Variants in CFH observed in about 807,000 individuals in gnomAD.
CFH encodes the protein H factor 1 (complement).
CFH carries 53 observed loss-of-function variants against 147.3 expected under a neutral mutation model. That is an observed-to-expected ratio of 0.36 (90% CI 0.29 to 0.45). The LOEUF (loss-of-function observed/expected upper bound fraction) is 0.45. Among genes scored for constraint, CFH ranks in the 20% least tolerant of loss-of-function variants. The pLI is 1.00. For synonymous variants in CFH, 536 were observed against 489.4 expected (o/e 1.10, Z -1.26); for missense variants, 1,380 against 1,498.0 (o/e 0.92, Z 1.30).
chr1:196,700,674 GA>G (rs1258387181), intron 9 of CFH, among the ~76,000 whole-genome samples: 6 of 147,544 alleles, frequency 4.1e-5, no homozygotes, highest in Admixed American at 6.7e-5. Context: ...AAAAAGAAAA[GA>G]AAAAAAAATT....
intron 15 of CFH, among the ~76,000 whole-genome samples, chr1:196,731,384 T>C (rs1669277659): frequency 6.6e-6 from 1 of 151,940 alleles, no homozygotes; most frequent in Admixed American, 6.6e-5. Context: ...ACATATAAAA[T>C]ATCTAAATTT....
At chr1:196,677,425 A>G (rs1402563937) in intron 4 of CFH, 51 bp from the exon 5 acceptor site, 3 of 1,532,652 alleles carry the variant, frequency 2.0e-6, no homozygotes, top group Admixed American at 1.7e-5. Context: ...CATATTTTTC[A>G]CAATAAACTT....
At chr1:196,665,791 G>C (rs1477229074) in intron 1 of CFH, among the ~76,000 whole-genome samples, 2 of 152,140 alleles carry the variant, frequency 1.3e-5, no homozygotes, top group Admixed American at 1.3e-4. Flanking sequence ...ATTTTTAGTA[G>C]AGACGGGGTT....
rs574159883 is a variant in CFH at position 196,745,542 on chromosome 1, G to A, written c.3311-275G>A. On this transcript the variant is annotated intron_variant, in intron 20 of 21. Coordinates refer to ENST00000367429, the MANE Select transcript of CFH (RefSeq NM_000186.4). ...CCTTTGTCATAGTTTTCTATGTTTAGCATGTATTCATTCGGAAAGACATTT... is the reference window on the plus strand; with the variant it reads ...CCTTTGTCATAGTTTTCTATGTTTAACATGTATTCATTCGGAAAGACATTT... Among the ~76,000 whole-genome samples, 14 of 152,194 alleles carry A rather than the reference G, an allele frequency of 9.2e-5. No individual in the cohort carries two copies. In the South Asian group the frequency reaches 2.9e-3, roughly 32 times the overall value.
At chr1:196,700,574 A>G (rs1032789748) in intron 9 of CFH, among the ~76,000 whole-genome samples, 27 of 151,822 alleles carry the variant, frequency 1.8e-4, no homozygotes, top group African/African-American at 6.3e-4. Context: ...GAATCACTTG[A>G]ACCTGGGAGG....
chr1:196,690,028 T>C, intron 8 of CFH, 35 bp from the exon 9 acceptor site: 2 of 1,560,718 alleles, frequency 1.3e-6, no homozygotes, highest in Non-Finnish European at 1.8e-6. Flanking sequence ...TGTTTCTCAT[T>C]TACTTTATTT....
intron 10 of CFH, among the ~76,000 whole-genome samples, chr1:196,715,057 G>A (rs1668835283): frequency 6.6e-6 from 1 of 151,356 alleles, no homozygotes; most frequent in Non-Finnish European, 1.5e-5. Flanking sequence ...CTTAATATGA[G>A]GTCTAGTTTA....
chr1:196,692,772 T>G (rs1405872782), intron 9 of CFH, among the ~76,000 whole-genome samples: 1 of 81,488 alleles, frequency 1.2e-5, no homozygotes, highest in Non-Finnish European at 2.5e-5. Flanking sequence ...CTTTCTTTCT[T>G]TCTTTCTTTC....
At chr1:196,717,300 C>G (rs1421977967) in intron 11 of CFH, among the ~76,000 whole-genome samples, 1 of 152,026 alleles carries the variant, frequency 6.6e-6, no homozygotes, top group Non-Finnish European at 1.5e-5. Context: ...TATTTACAAA[C>G]AGTTCTAATA....
chr1:196,695,181 A>G (rs1422681389), intron 9 of CFH, among the ~76,000 whole-genome samples: 3 of 151,956 alleles, frequency 2.0e-5, no homozygotes, highest in East Asian at 1.9e-4. Context: ...GTTAATTTTT[A>G]TATTAGGTGT....
At position 196,685,217 on chromosome 1, in the gene CFH, T is replaced by C; in HGVS notation, c.944T>C (p.Ile315Thr). Reference sequence around the variant, plus strand: ...GCAAAATGCACAAGTACTGGCTGGATACCTGCTCCGAGATGTACCTGTAAG... The same window carrying C: ...GCAAAATGCACAAGTACTGGCTGGACACCTGCTCCGAGATGTACCTGTAAG... Reference protein sequence around the residue: ...NTAKCTSTGWIPAPRCTLKPC... With the variant: ...NTAKCTSTGWTPAPRCTLKPC... Residue 315 changes from isoleucine (I) to threonine (T), a missense_variant, in exon 7 of 22, where the codon ATA (isoleucine) becomes ACA (threonine). By Grantham distance (89) the Ile-to-Thr change is moderately conservative. Coordinates refer to ENST00000367429, the MANE Select transcript of CFH (RefSeq NM_000186.4). 2 of 1,612,952 alleles carry C rather than the reference T, an allele frequency of 1.2e-6. No homozygotes were observed. Among genetic ancestry groups the C allele is most frequent in the Non-Finnish European group, 1.7e-6 (2 of 1,179,254 alleles).
intron 1 of CFH, among the ~76,000 whole-genome samples, chr1:196,661,259 T>C (rs1260546230): frequency 6.6e-6 from 1 of 152,208 alleles, no homozygotes; most frequent in Non-Finnish European, 1.5e-5. Context: ...TCACATTATT[T>C]TGTAAAATAT....
In CFH at chr1:196,704,892, A is replaced by C. The variant is rs576491387; in HGVS notation, c.1337-8843A>C. 2.0e-5 allele frequency among the ~76,000 whole-genome samples: 3 copies of C among 152,312 alleles called. No individual in the cohort carries two copies. The South Asian group carries it at 6.2e-4, about 32-fold the overall frequency. On this transcript the variant is annotated intron_variant, in intron 9 of 21. Transcript: ENST00000367429. ...ATGCTTATACATTATTCATGACTTT[A>C]ACCAGTGAGTTGTACTGGTGTTCAG...
Position 196,673,931 on chromosome 1 carries a change from G to A in CFH, c.319G>A (p.Gly107Ser), listed in dbSNP as rs1667371142. The A allele has an allele frequency of 1.9e-6, 3 of 1,612,932 alleles. No homozygotes were observed. The highest frequency in any genetic ancestry group is 2.5e-6 in the Non-Finnish European group (3 of 1,179,268). ...TLTGGNVFEY[G>S]VKAVYTCNEG... ...TACAGGAGGAAATGTGTTTGAATAT[G>A]GTGTAAAAGCTGTGTATACATGTAA... The change falls in exon 3 of 22, where the codon GGT becomes AGT. Residue 107 changes from glycine to serine, a missense_variant. Physicochemically the swap from Gly to Ser is moderately conservative, Grantham distance 56. Transcript: ENST00000367429.
At chr1:196,679,927 G>T in intron 6 of CFH, 134 bp downstream of exon 6, 1 of 833,414 alleles carries the variant, frequency 1.2e-6, no homozygotes, top group Non-Finnish European at 1.9e-6. Context: ...AAAACATATA[G>T]CATTTTCTGT....
chr1:196,730,001 G>T lies in CFH; in HGVS notation c.2413+1479G>T, dbSNP rs182683826. Among the ~76,000 whole-genome samples, 920 of 151,538 alleles carry T rather than the reference G, an allele frequency of 6.1e-3. 12 individuals are homozygous for T. Among genetic ancestry groups the T allele is most frequent in the African/African-American group, 0.021 (860 of 41,388 alleles). On this transcript the variant is annotated intron_variant, in intron 15 of 21. Transcript: ENST00000367429. Reference sequence around the variant, plus strand: ...CTCTTTTTTAGTTATTCTGGTTAAAGCTTTGTCAATTTTTGATTATCTAAA... The same window carrying T: ...CTCTTTTTTAGTTATTCTGGTTAAATCTTTGTCAATTTTTGATTATCTAAA...
At chr1:196,744,380 C>T (rs1271042203) in intron 20 of CFH, among the ~76,000 whole-genome samples, 1 of 151,956 alleles carries the variant, frequency 6.6e-6, no homozygotes, top group Non-Finnish European at 1.5e-5. Flanking sequence ...CTGCCTGTTT[C>T]CTCTGGGTTT....
chr1:196,672,919 A>T, intron 1 of CFH, 59 bp from the exon 2 acceptor site: 1 of 1,430,096 alleles, frequency 7.0e-7, no homozygotes. Context: ...CAATTACCTA[A>T]ATATACTGTA....
intron 1 of CFH, among the ~76,000 whole-genome samples, chr1:196,669,398 G>A (rs573321108): frequency 6.6e-6 from 1 of 152,292 alleles, no homozygotes; most frequent in East Asian, 1.9e-4. Flanking sequence ...TGATCTTTAA[G>A]GCAGCCTCTC....
Sources: allele counts gnomAD v4.1 joint callset (sites outside exome capture counted in the v4.1 genomes callset), GRCh38; gene constraint gnomAD v4.1.1; transcripts MANE v1.5; gene names NCBI Gene and HGNC (gene_info 2026-07-23, HGNC 2026-07-21).